LVRN: variants seen among roughly 807,000 people sequenced by gnomAD.
The protein encoded by LVRN is laeverin.
A neutral mutation model predicts 111.4 loss-of-function variants in LVRN; 99 were observed. The observed-to-expected ratio is 0.89, with a 90% CI of 0.76 to 1.05. The LOEUF (loss-of-function observed/expected upper bound fraction) is 1.05. Among genes scored for constraint, LVRN ranks in the 50% least tolerant of loss-of-function variants. The pLI, the probability that LVRN is intolerant of heterozygous loss-of-function variation, is 0.00. For missense variants in LVRN, 1,414 were observed against 1,206.8 expected (o/e 1.17, Z -2.54); for synonymous variants, 488 against 449.5 (o/e 1.09, Z -1.08).
chr5:116,015,730 C>A lies in LVRN; in HGVS notation c.2721C>A (p.Asp907Glu). 1.2e-6 allele frequency: 2 copies of A among 1,613,354 alleles called. No homozygotes were observed. Among genetic ancestry groups the A allele is most frequent in the Admixed American group, 1.7e-5 (1 of 59,952 alleles). Residue 907 changes from aspartate to glutamate, a missense_variant, in exon 18 of 20, where the codon GAC (aspartate) becomes GAA (glutamate). By Grantham distance (45) the Asp-to-Glu change is conservative. Coordinates refer to ENST00000357872, the MANE Select transcript of LVRN (RefSeq NM_173800.5). ...SSEVGRYVAK[D>E]FLVNNWQAVS... is the part of the protein sequence containing the mutation. ...AAGTTGGCCGGTATGTCGCAAAAGACTTCTTAGTCAACAACTGGCAAGCTG... is the reference window on the plus strand; with the variant it reads ...AAGTTGGCCGGTATGTCGCAAAAGAATTCTTAGTCAACAACTGGCAAGCTG...
chr5:115,975,775 T>A (rs1249196655), intron 1 of LVRN: 2 of 152,782 alleles, frequency 1.3e-5, no homozygotes, highest in African/African-American at 4.8e-5. Flanking sequence ...ATATTAAAAT[T>A]TGCCTTCCTC....
At chr5:115,992,902 G>C (rs540237166) in intron 5 of LVRN, among the ~76,000 whole-genome samples, 4 of 152,186 alleles carry the variant, frequency 2.6e-5, no homozygotes, top group Admixed American at 1.3e-4. Context: ...TGTTAAGAAA[G>C]AAATAATTTC....
At chr5:116,015,814 A>C in intron 18 of LVRN, 49 bp downstream of exon 18, 1 of 1,599,628 alleles carries the variant, frequency 6.3e-7, no homozygotes, top group Non-Finnish European at 8.5e-7. Flanking sequence ...CTGGTTTGGC[A>C]CTGGAAGCTC....
intron 6 of LVRN, 136 bp downstream of exon 6, chr5:115,993,990 G>T: frequency 4.0e-6 from 2 of 497,592 alleles, no homozygotes; most frequent in South Asian, 7.1e-5. Flanking sequence ...AATAATTTGT[G>T]TTAGCTTTTT....
Position 116,027,506 on chromosome 5 carries a change from A to C in LVRN, c.*1388A>C, listed in dbSNP as rs1748892094. The C allele has an allele frequency of 6.6e-6, 1 of 152,236 alleles. No individual in the cohort carries two copies. 9.4% of individuals were successfully genotyped at this position (152,236 alleles called of 1,614,324 possible). Reference sequence around the variant, plus strand: ...CTTCACCACGTGGACAAACGAAAGCACAGGCTACTCAGACTTGGCCACAGG... The same window carrying C: ...CTTCACCACGTGGACAAACGAAAGCCCAGGCTACTCAGACTTGGCCACAGG... On this transcript the variant is annotated 3_prime_UTR_variant, in exon 20 of 20. Coordinates refer to ENST00000357872, the MANE Select transcript of LVRN (RefSeq NM_173800.5).
At chr5:116,020,796 A>T (rs1165958600) in intron 18 of LVRN, among the ~76,000 whole-genome samples, 1 of 152,218 alleles carries the variant, frequency 6.6e-6, no homozygotes, top group Non-Finnish European at 1.5e-5. Flanking sequence ...AGGGAGGGGT[A>T]ATGTGAGAAG....
intron 18 of LVRN, among the ~76,000 whole-genome samples, chr5:116,020,679 T>G (rs896521780): frequency 1.3e-5 from 2 of 152,110 alleles, no homozygotes; most frequent in African/African-American, 4.8e-5. Flanking sequence ...GTCCAAGCAC[T>G]GGGGGGCCTG....
chr5:116,006,404 G>A (rs1748375396), intron 13 of LVRN, among the ~76,000 whole-genome samples: 3 of 151,958 alleles, frequency 2.0e-5, no homozygotes, highest in African/African-American at 4.8e-5. Flanking sequence ...TTAGCCAGCC[G>A]TATTGTTTGA....
chr5:115,984,714 G>C lies in LVRN; in HGVS notation c.978+5G>C. 1 of 1,613,386 alleles carries C rather than the reference G, an allele frequency of 6.2e-7. No individual in the cohort carries two copies. Among genetic ancestry groups the C allele is most frequent in the Non-Finnish European group, 8.5e-7 (1 of 1,179,610 alleles). ...AGAACAGAAAGGGGCAAGGAGGTGA[G>C]TGAGGAAGATTCTGTAGGTAAGGGA... On this transcript the variant is annotated splice_donor_5th_base_variant and intron_variant, in intron 3 of 19. Transcript: ENST00000357872.
Position 116,005,892 on chromosome 5 carries a change from A to G in LVRN, c.2038-20A>G. 6.3e-7 allele frequency: 1 copy of G among 1,581,544 alleles called. No individual in the cohort carries two copies. Among genetic ancestry groups the G allele is most frequent in the Middle Eastern group, 1.7e-4 (1 of 6,018 alleles). ...AATGTTCTCATCTTCTTCTGGGCAT[A>G]TTTGGGTCTAATTCTGCAGGCGATT... On this transcript the variant is annotated intron_variant, in intron 12 of 19. Transcript: ENST00000357872.
rs1469059193 is a variant in LVRN, at chr5:116,015,418, A to G, written c.2617A>G (p.Arg873Gly). ...SCSKDPWILN[R>G]YMEYAISTSP... ...CAGCAAAGACCCATGGATACTTAACAGGTGATTATGGTCAACTTACCTTGA... is the reference window on the plus strand; with the variant it reads ...CAGCAAAGACCCATGGATACTTAACGGGTGATTATGGTCAACTTACCTTGA... Residue 873 changes from arginine to glycine, a missense_variant and splice_region_variant, in exon 17 of 20, where the codon AGA becomes GGA. Physicochemically the swap from Arg to Gly is moderately radical, Grantham distance 125. Coordinates refer to ENST00000357872, the MANE Select transcript of LVRN (RefSeq NM_173800.5). The G allele has an allele frequency of 6.5e-6, 10 of 1,532,616 alleles. No individual in the cohort carries two copies. The highest frequency in any genetic ancestry group is 8.7e-6 in the Non-Finnish European group (10 of 1,143,874). The allele number at this position is 1,532,616 out of a possible 1,614,324, so 94.9% of individuals were successfully genotyped here. A position where few individuals can be genotyped will look rare whatever the true frequency, so the allele number is the denominator to read the frequency against.
At chr5:116,016,649 C>G (rs1004161527) in intron 18 of LVRN, among the ~76,000 whole-genome samples, 1 of 152,122 alleles carries the variant, frequency 6.6e-6, no homozygotes, top group Non-Finnish European at 1.5e-5. Flanking sequence ...GCATTTTAGC[C>G]TTATAAAGTC....
At chr5:115,971,810 T>C (rs1446298152) in intron 1 of LVRN, among the ~76,000 whole-genome samples, 1 of 152,076 alleles carries the variant, frequency 6.6e-6, no homozygotes, top group Non-Finnish European at 1.5e-5. Flanking sequence ...CATTTCCATA[T>C]TAATTTTAGA....
intron 1 of LVRN, among the ~76,000 whole-genome samples, chr5:115,979,827 T>C (rs1166685111): frequency 1.3e-5 from 2 of 152,220 alleles, no homozygotes; most frequent in Non-Finnish European, 2.9e-5. Context: ...CTTGACCGGC[T>C]ATGCTATTCA....
intron 1 of LVRN, among the ~76,000 whole-genome samples, chr5:115,967,705 C>G (rs189087366): frequency 1.3e-5 from 2 of 152,216 alleles, no homozygotes; most frequent in African/African-American, 4.8e-5. Context: ...GCTAGCTTTG[C>G]TATCCTTAAT....
At chr5:116,019,914 A>G (rs1748684772) in intron 18 of LVRN, 1 of 152,206 alleles carries the variant, frequency 6.6e-6, no homozygotes, top group Non-Finnish European at 1.5e-5. Flanking sequence ...CAGAGCATTC[A>G]TGGGCATATG....
chr5:115,974,244 G>A (rs367590806), intron 1 of LVRN, among the ~76,000 whole-genome samples: 31 of 152,234 alleles, frequency 2.0e-4, no homozygotes, highest in African/African-American at 7.2e-4. Flanking sequence ...AAAGGCTTAT[G>A]TATTTATAAT....
At chr5:115,983,174 G>A (rs929047042) in intron 1 of LVRN, 113 bp from the exon 2 acceptor site, 5 of 1,217,918 alleles carry the variant, frequency 4.1e-6, no homozygotes, top group South Asian at 1.7e-5. Context: ...GAAGATGAGA[G>A]GAAATTTCCT....
intron 6 of LVRN, among the ~76,000 whole-genome samples, chr5:115,998,645 C>T (rs1174809355): frequency 6.6e-6 from 1 of 152,160 alleles, no homozygotes; most frequent in Non-Finnish European, 1.5e-5. Context: ...GCAGATGACT[C>T]CTCCAAATCC....
Sources: gnomAD v4.1 joint callset for allele counts (sites outside exome capture counted in the v4.1 genomes callset) on GRCh38, gnomAD v4.1.1 for gene constraint, MANE v1.5 for transcripts, NCBI Gene and HGNC (gene_info 2026-07-23, HGNC 2026-07-21) for gene names.